The following BCKDHB variants were observed in gnomAD, a reference collection of about 807,000 sequenced individuals.
BCKDHB encodes branched chain keto acid dehydrogenase E1 subunit beta, also known as 2-oxoisovalerate dehydrogenase subunit beta, mitochondrial.
Under a neutral mutation model 48.5 loss-of-function variants are expected in BCKDHB, and 41 were observed. That is an observed-to-expected ratio of 0.85 (90% CI 0.66 to 1.10). The LOEUF (loss-of-function observed/expected upper bound fraction) is 1.10. Among genes scored for constraint, BCKDHB ranks in the 50% least tolerant of loss-of-function variants. The probability of loss-of-function intolerance (pLI) is 0.00; values close to 1 mark genes in which losing one functional copy is unlikely to be tolerated. For synonymous variants in BCKDHB, 201 were observed against 174.8 expected (o/e 1.15, Z -1.18); for missense variants, 496 against 494.2 (o/e 1.00, Z -0.03).
chr6:80,323,879 TCTC>T (rs1439223197), intron 9 of BCKDHB, among the ~76,000 whole-genome samples: 5 of 152,010 alleles, frequency 3.3e-5, no homozygotes, highest in Admixed American at 6.5e-5. Flanking sequence ...TTCACGCCAT[TCTC>T]CTGTCTCAGC....
At chr6:80,329,917 AG>A (rs1162956273) in intron 9 of BCKDHB, among the ~76,000 whole-genome samples, 2 of 152,176 alleles carry the variant, frequency 1.3e-5, no homozygotes, top group Non-Finnish European at 2.9e-5. Flanking sequence ...CTATGAGGAT[AG>A]GGACATTGTG....
At chr6:80,304,877 A>G (rs192903955) in intron 9 of BCKDHB, among the ~76,000 whole-genome samples, 8 of 152,278 alleles carry the variant, frequency 5.3e-5, no homozygotes. Context: ...TTATCATTAA[A>G]AGAAGAAATT....
the BCKDHB span, among the ~76,000 whole-genome samples, chr6:80,420,736 T>C: frequency 5.3e-5 from 8 of 152,172 alleles, no homozygotes; most frequent in Non-Finnish European, 8.8e-5. Flanking sequence ...CTTTCAGTGG[T>C]CCCAGACTAT....
the BCKDHB span, among the ~76,000 whole-genome samples, chr6:80,385,391 A>G: frequency 6.6e-6 from 1 of 152,212 alleles, no homozygotes; most frequent in East Asian, 1.9e-4. Context: ...ACTGATTGGA[A>G]AATAATGGGA....
chr6:80,407,995 G>A, the BCKDHB span, among the ~76,000 whole-genome samples: 525 of 151,988 alleles, frequency 3.5e-3, 4 homozygotes, highest in African/African-American at 9.7e-3. Flanking sequence ...TGGGTTTCTC[G>A]TAAGTAGCTC....
chr6:80,174,560 T>C (rs1201123155), intron 6 of BCKDHB, among the ~76,000 whole-genome samples: 4 of 152,274 alleles, frequency 2.6e-5, no homozygotes. Flanking sequence ...AATTTGCGTA[T>C]AAGTGGACCC....
At chr6:80,140,017 C>T (rs1771108228) in intron 3 of BCKDHB, among the ~76,000 whole-genome samples, 3 of 152,288 alleles carry the variant, frequency 2.0e-5, no homozygotes, top group African/African-American at 7.2e-5. Context: ...AGAGGTCCTT[C>T]ACTTCCCTTG....
At chr6:80,203,058 G>A (rs1269383894) in intron 7 of BCKDHB, 44 bp from the exon 8 acceptor site, 2 of 1,384,676 alleles carry the variant, frequency 1.4e-6, no homozygotes, top group Non-Finnish European at 2.1e-6. Flanking sequence ...TTTGAGGCTA[G>A]AACCTTTGTA....
At chr6:80,277,504 T>C (rs1778013211) in intron 9 of BCKDHB, among the ~76,000 whole-genome samples, 1 of 151,484 alleles carries the variant, frequency 6.6e-6, no homozygotes, top group African/African-American at 2.4e-5. Flanking sequence ...ATTATTAATT[T>C]CCAACACACC....
chr6:80,213,352 T>C (rs531920871), intron 8 of BCKDHB, among the ~76,000 whole-genome samples: 65 of 152,342 alleles, frequency 4.3e-4, no homozygotes, highest in Non-Finnish European at 8.8e-4. Flanking sequence ...ATAGGAACAA[T>C]TTATCTACTT....
intron 8 of BCKDHB, among the ~76,000 whole-genome samples, chr6:80,262,215 G>A (rs1276269437): frequency 3.9e-5 from 6 of 152,090 alleles, no homozygotes; most frequent in Non-Finnish European, 7.4e-5. Context: ...GCTGTGGAAG[G>A]GATTTAAAGG....
At chr6:80,245,260 G>T (rs954106282) in intron 8 of BCKDHB, among the ~76,000 whole-genome samples, 1 of 151,398 alleles carries the variant, frequency 6.6e-6, no homozygotes, top group African/African-American at 2.4e-5. Context: ...AGTATTTTCT[G>T]ATAATACCAA....
chr6:80,274,710 T>C (rs1187675616), intron 9 of BCKDHB, among the ~76,000 whole-genome samples: 1 of 152,048 alleles, frequency 6.6e-6, no homozygotes, highest in Non-Finnish European at 1.5e-5. Flanking sequence ...ATAACTCCTC[T>C]TGTGAAGTTT....
chr6:80,118,681 A>G (rs758892091), intron 1 of BCKDHB, among the ~76,000 whole-genome samples: 1 of 152,144 alleles, frequency 6.6e-6, no homozygotes, highest in Non-Finnish European at 1.5e-5. Flanking sequence ...CCACTTCTTT[A>G]TCAGCTAAGT....
chr6:80,453,589 A>T, the BCKDHB span, among the ~76,000 whole-genome samples: 1 of 152,184 alleles, frequency 6.6e-6, no homozygotes, highest in Non-Finnish European at 1.5e-5. Context: ...AGGAGATATT[A>T]TGTCCCCTGT....
intron 9 of BCKDHB, among the ~76,000 whole-genome samples, chr6:80,342,021 A>G (rs572920045): frequency 1.3e-5 from 2 of 152,292 alleles, no homozygotes; most frequent in East Asian, 3.9e-4. Context: ...GGGAATACCA[A>G]CACTTATTTG....
the BCKDHB span, among the ~76,000 whole-genome samples, chr6:80,395,068 T>G: frequency 6.6e-6 from 1 of 152,164 alleles, no homozygotes; most frequent in Non-Finnish European, 1.5e-5. Context: ...ATTAAACCAC[T>G]TTTCATCATA....
At chr6:80,334,101 G>A (rs2128011840) in intron 9 of BCKDHB, among the ~76,000 whole-genome samples, 1 of 152,226 alleles carries the variant, frequency 6.6e-6, no homozygotes, top group Non-Finnish European at 1.5e-5. Context: ...ATGTGAAAAT[G>A]TGTGCATGCA....
At chr6:80,138,347 G>C (rs1017486649) in intron 3 of BCKDHB, among the ~76,000 whole-genome samples, 1 of 151,744 alleles carries the variant, frequency 6.6e-6, no homozygotes, top group South Asian at 2.1e-4. Flanking sequence ...CAATGTGCAG[G>C]TTAGTTACAT....
Sources: allele counts gnomAD v4.1 joint callset (sites outside exome capture counted in the v4.1 genomes callset), GRCh38; gene constraint gnomAD v4.1.1; transcripts MANE v1.5; gene names NCBI Gene and HGNC (gene_info 2026-07-23, HGNC 2026-07-21).